The following SGIP1 variants were observed in gnomAD, a reference collection of about 807,000 sequenced individuals.
SGIP1 encodes SH3GL interacting endocytic adaptor 1, also known as SH3-containing GRB2-like protein 3-interacting protein 1.
In SGIP1, 38 loss-of-function variants were observed where a neutral mutation model predicts 107.5. The observed-to-expected ratio is 0.35, with a 90% confidence interval of 0.27 to 0.46. SGIP1 has a LOEUF of 0.46. Ranked by LOEUF, SGIP1 falls within the 20% of genes least tolerant of loss-of-function variation. The pLI is 1.00. For synonymous variants in SGIP1, 365 were observed against 366.1 expected, an observed-to-expected ratio of 1.00 and a Z score of 0.03; for missense variants, 929 against 1,019.5, an observed-to-expected ratio of 0.91 and a Z score of 1.21.
intron 1 of SGIP1, among the ~76,000 whole-genome samples, chr1:66,587,038 G>A (rs781297442): frequency 6.6e-5 from 10 of 152,040 alleles, no homozygotes; most frequent in Non-Finnish European, 1.5e-5. Flanking sequence ...TCTCCACAGT[G>A]TCTGATAAGA....
At chr1:66,566,503 G>T (rs2059661903) in intron 1 of SGIP1, among the ~76,000 whole-genome samples, 1 of 151,900 alleles carries the variant, frequency 6.6e-6, no homozygotes, top group Non-Finnish European at 1.5e-5. Context: ...GTATGCAGCA[G>T]AATCTAGTCC....
chr1:66,702,173 A>G (rs544663887), intron 18 of SGIP1, among the ~76,000 whole-genome samples: 1 of 152,324 alleles, frequency 6.6e-6, no homozygotes, highest in East Asian at 1.9e-4. Context: ...ATCACATTTT[A>G]CAGATGAGTA....
At chr1:66,630,613 C>G (rs1004380188) in intron 2 of SGIP1, among the ~76,000 whole-genome samples, 1 of 151,352 alleles carries the variant, frequency 6.6e-6, no homozygotes, top group Non-Finnish European at 1.5e-5. Flanking sequence ...TTGAGACCAG[C>G]CTGGCCAACA....
chr1:66,737,127 A>G (rs1374227188), intron 21 of SGIP1, among the ~76,000 whole-genome samples: 2 of 152,128 alleles, frequency 1.3e-5, no homozygotes, highest in African/African-American at 4.8e-5. Flanking sequence ...AAAACTCTAA[A>G]TGTAATTTTT....
At chr1:66,590,487 G>T (rs562274130) in intron 1 of SGIP1, 1 of 152,196 alleles carries the variant, frequency 6.6e-6, no homozygotes, top group East Asian at 1.9e-4. Context: ...GCCCAGCCTG[G>T]AGTGCAGTGG....
chr1:66,573,061 G>T (rs1318303743), intron 1 of SGIP1, among the ~76,000 whole-genome samples: 1 of 151,998 alleles, frequency 6.6e-6, no homozygotes, highest in Non-Finnish European at 1.5e-5. Flanking sequence ...GAGGGTTGGG[G>T]GGAAATGGGG....
At chr1:66,664,792 G>A (rs2082192969) in intron 8 of SGIP1, among the ~76,000 whole-genome samples, 1 of 149,872 alleles carries the variant, frequency 6.7e-6, no homozygotes, top group Admixed American at 6.6e-5. Flanking sequence ...TATTGAAAGG[G>A]AAACTGACCA....
At chr1:66,737,471 T>A (rs1302017851) in intron 21 of SGIP1, among the ~76,000 whole-genome samples, 4 of 152,178 alleles carry the variant, frequency 2.6e-5, no homozygotes, top group Admixed American at 1.3e-4. Context: ...GGCAGGAGGA[T>A]CACTTGAGCC....
chr1:66,570,546 T>C (rs1269934803), intron 1 of SGIP1, among the ~76,000 whole-genome samples: 1 of 151,974 alleles, frequency 6.6e-6, no homozygotes, highest in African/African-American at 2.4e-5. Context: ...TCTTTGTTAA[T>C]AGTGTGATAT....
intron 15 of SGIP1, among the ~76,000 whole-genome samples, chr1:66,686,529 C>T (rs532707724): frequency 6.6e-6 from 1 of 151,880 alleles, no homozygotes; most frequent in African/African-American, 2.4e-5. Flanking sequence ...TAGAGATGTG[C>T]AAATGATAGC....
At chr1:66,673,233 A>C in intron 11 of SGIP1, 48 bp from the exon 12 acceptor site, 1 of 1,565,196 alleles carries the variant, frequency 6.4e-7, no homozygotes, top group Non-Finnish European at 8.8e-7. Flanking sequence ...TTTGAGTATT[A>C]ATTTTTGAGC....
Position 66,682,125 on chromosome 1 carries a change from C to T in SGIP1, c.1071C>T (p.Pro357=). The T allele has an allele frequency of 6.2e-7, 1 of 1,613,724 alleles. No homozygotes were observed. The highest frequency in any genetic ancestry group is 8.5e-7 in the Non-Finnish European group (1 of 1,179,790). Residue 357 remains proline, a synonymous_variant, in exon 15 of 25, where the codon CCC becomes CCT. Coordinates refer to ENST00000371037, the MANE Select transcript of SGIP1 (RefSeq NM_032291.4). ...PAPGPLGPPG[P]TGPPGPPGPP... ...CAGGCCCTCTCGGCCCCCCAGGTCC[C>T]ACAGGCCCCCCAGGGCCTCCTGGGC...
intron 1 of SGIP1, among the ~76,000 whole-genome samples, chr1:66,587,630 T>G (rs1043521533): frequency 2.6e-5 from 4 of 152,282 alleles, no homozygotes; most frequent in African/African-American, 9.6e-5. Context: ...ACTAGGTTCC[T>G]AGACTGCCAG....
intron 18 of SGIP1, among the ~76,000 whole-genome samples, chr1:66,706,297 T>G (rs34868698): frequency 0.14 from 20,758 of 146,760 alleles, 2,055 homozygotes; most frequent in East Asian, 0.51. Context: ...TGAATATATT[T>G]TATATTATAC....
intron 6 of SGIP1, 81 bp from the exon 7 acceptor site, chr1:66,643,463 T>C: frequency 1.7e-6 from 2 of 1,157,282 alleles, no homozygotes; most frequent in Non-Finnish European, 2.5e-6. Flanking sequence ...ACTTTTGCTG[T>C]CTCTATATGC....
At chr1:66,635,857 C>A in intron 3 of SGIP1, 87 bp from the exon 4 acceptor site, 1 of 1,351,976 alleles carries the variant, frequency 7.4e-7, no homozygotes, top group Non-Finnish European at 1.0e-6. Context: ...GGTATGTTTG[C>A]TGACTCCATG....
At chr1:66,613,105 A>G (rs957971621) in intron 1 of SGIP1, among the ~76,000 whole-genome samples, 1 of 152,188 alleles carries the variant, frequency 6.6e-6, no homozygotes, top group African/African-American at 2.4e-5. Flanking sequence ...AATACTCAAT[A>G]TAATTTTGTC....
chr1:66,709,264 A>G (rs2092746344), intron 18 of SGIP1, among the ~76,000 whole-genome samples: 1 of 149,692 alleles, frequency 6.7e-6, no homozygotes, highest in Non-Finnish European at 1.5e-5. Flanking sequence ...GACTTTCTTA[A>G]GTACACTTTC....
chr1:66,630,845 A>AAG (rs1432133509), intron 2 of SGIP1, among the ~76,000 whole-genome samples: 2 of 25,202 alleles, frequency 7.9e-5, no homozygotes. Flanking sequence ...GAAAGAAAGA[A>AAG]AGAAAGAAAG....
Sources: gnomAD v4.1 joint callset for allele counts (sites outside exome capture counted in the v4.1 genomes callset) on GRCh38, gnomAD v4.1.1 for gene constraint, MANE v1.5 for transcripts, NCBI Gene and HGNC (gene_info 2026-07-23, HGNC 2026-07-21) for gene names.